The following CAPG variants were observed in gnomAD, a reference collection of about 807,000 sequenced individuals.
The protein encoded by CAPG is macrophage-capping protein.
CAPG carries 32 observed loss-of-function variants against 44.6 expected under a neutral mutation model. The ratio of observed to expected loss-of-function variants is 0.72; its 90% CI spans 0.54 to 0.96. The LOEUF is 0.96. Ranked by LOEUF, CAPG falls within the 50% of genes least tolerant of loss-of-function variation. CAPG has a pLI of 0.00. For missense variants in CAPG, 412 were observed against 438.3 expected, an observed-to-expected ratio of 0.94 and a Z score of 0.54; for synonymous variants, 175 against 179.6, an observed-to-expected ratio of 0.97 and a Z score of 0.20.
At chr2:85,403,758 G>A (rs995386983) in intron 1 of CAPG, among the ~76,000 whole-genome samples, 39 of 151,896 alleles carry the variant, frequency 2.6e-4, no homozygotes, top group Middle Eastern at 3.4e-3. Flanking sequence ...GTGGTGGCAC[G>A]TGCCTATAGT....
upstream of CAPG, among the ~76,000 whole-genome samples, chr2:85,411,281 T>A (rs1687401027): frequency 6.6e-6 from 1 of 152,264 alleles, no homozygotes; most frequent in Non-Finnish European, 1.5e-5. Flanking sequence ...TTTATCATCA[T>A]GACTTCTGGG....
chr2:85,412,326 C>T (rs1687439699), upstream of CAPG, among the ~76,000 whole-genome samples: 1 of 152,154 alleles, frequency 6.6e-6, no homozygotes, highest in African/African-American at 2.4e-5. Flanking sequence ...GCCTGGCCAG[C>T]ATGGTTAAAC....
At chr2:85,418,374 TC>T (rs1687620697) in exon 1 of CAPG, 1 of 151,918 alleles carries the variant, frequency 6.6e-6, no homozygotes, top group Non-Finnish European at 1.5e-5. Flanking sequence ...ACTGTCCAGA[TC>T]CAGGGCTCAC....
At position 85,398,126 on chromosome 2, in the gene CAPG, G is replaced by C; in HGVS notation, c.786C>G (p.Asn262Lys). Residue 262 changes from asparagine (N) to lysine (K), a missense_variant, in exon 8 of 10, where the codon AAC becomes AAG. By Grantham distance (94) the Asn-to-Lys change is moderately conservative. Coordinates refer to ENST00000263867, the MANE Select transcript of CAPG (RefSeq NM_001747.4). ...GGCTGGAGTCAGCCACCTTGGTCAG[G>C]TTCATCTGTCCAGTGGCATCAGAGA... ...YKVSDATGQM[N>K]LTKVADSSPF... is the part of the protein sequence containing the mutation. 6.2e-7 allele frequency: 1 copy of C among 1,613,904 alleles called. No homozygotes were observed. The highest frequency in any genetic ancestry group is 1.7e-4 in the Middle Eastern group (1 of 5,890).
At chr2:85,411,258 C>T (rs1407131540), upstream of CAPG, among the ~76,000 whole-genome samples, 1 of 152,236 alleles carries the variant, frequency 6.6e-6, no homozygotes, top group Non-Finnish European at 1.5e-5. Context: ...GTCTGCTTCT[C>T]ATTCACCAGA....
chr2:85,405,974 A>G (rs561202931), intron 1 of CAPG, among the ~76,000 whole-genome samples: 1 of 152,322 alleles, frequency 6.6e-6, no homozygotes, highest in East Asian at 1.9e-4. Flanking sequence ...CAGGCAGCCT[A>G]CATGCCAGAG....
At chr2:85,397,214 G>A (rs1307129640) in intron 8 of CAPG, among the ~76,000 whole-genome samples, 1 of 152,194 alleles carries the variant, frequency 6.6e-6, no homozygotes, top group Non-Finnish European at 1.5e-5. Flanking sequence ...GGCTAGGGCA[G>A]TGGTTCTCAA....
chr2:85,394,886 C>T lies in CAPG; in HGVS notation c.*7G>A, dbSNP rs776864430. The T allele has an allele frequency of 1.2e-6, 2 of 1,609,900 alleles. No individual in the cohort carries two copies. The highest frequency in any genetic ancestry group is 2.2e-5 in the South Asian group (2 of 91,010). ...CAGGGGAGCATGGGGCAGGAAGACG[C>T]CCACCCTCATTTCCAGTCCTTGAAA... On this transcript the variant is annotated 3_prime_UTR_variant, in exon 10 of 10. Transcript: ENST00000263867.
Position 85,401,908 on chromosome 2 carries a change from G to A in CAPG, c.73C>T (p.Arg25Trp), listed in dbSNP as rs766855151. ...GGCACCGGCTTCAGCTTCTCCACCCGCCACACATGCAGGCCTGGATCCTGC... is the reference window on the plus strand; with the variant it reads ...GGCACCGGCTTCAGCTTCTCCACCCACCACACATGCAGGCCTGGATCCTGC... ...SVQDPGLHVW[R>W]VEKLKPVPVA... Residue 25 changes from arginine to tryptophan, a missense_variant, in exon 3 of 10, where the codon CGG (arginine) becomes TGG (tryptophan). Physicochemically the swap from Arg to Trp is moderately radical, Grantham distance 101. Transcript: ENST00000263867. 1.1e-5 allele frequency: 18 copies of A among 1,613,906 alleles called. No homozygotes were observed. The highest frequency in any genetic ancestry group is 5.3e-5 in the African/African-American group (4 of 74,860).
intron 6 of CAPG, 87 bp downstream of exon 6, chr2:85,399,049 G>C (rs954125396): frequency 6.8e-7 from 1 of 1,467,256 alleles, no homozygotes; most frequent in African/African-American, 1.4e-5. Flanking sequence ...ACCCTCCACC[G>C]GCCACTCTCA....
chr2:85,400,543 C>T (rs938798826), intron 5 of CAPG, among the ~76,000 whole-genome samples: 4 of 152,170 alleles, frequency 2.6e-5, no homozygotes, highest in Admixed American at 6.5e-5. Context: ...TCCCCCAGCC[C>T]GGGTCCCAGT....
Position 85,403,088 on chromosome 2 carries a change from G to A in CAPG, c.-13-930C>T, listed in dbSNP as rs975209231. Among the ~76,000 whole-genome samples the A allele has an allele frequency of 2.6e-5, 4 of 152,064 alleles. No individual in the cohort carries two copies. In the South Asian group the frequency reaches 6.2e-4, roughly 24 times the overall value. On this transcript the variant is annotated intron_variant, in intron 1 of 9. Coordinates refer to ENST00000263867, the MANE Select transcript of CAPG (RefSeq NM_001747.4). ...GCCTGGCAAGTTGTTTTTTTAAACC[G>A]ATAAAATTGATAAATCTTTAGACAA...
At chr2:85,393,820 T>C (rs548317596), downstream of CAPG, among the ~76,000 whole-genome samples, 1 of 152,334 alleles carries the variant, frequency 6.6e-6, no homozygotes, top group African/African-American at 2.4e-5. Context: ...CGTCTTGCCC[T>C]CCCAAAGTGC....
intron 2 of CAPG, 61 bp from the exon 3 acceptor site, chr2:85,402,018 C>A: frequency 4.3e-6 from 7 of 1,612,328 alleles, no homozygotes; most frequent in Non-Finnish European, 5.9e-6. Context: ...CAGCCCTGGG[C>A]AGGCCTGGCG....
At chr2:85,412,574 G>A (rs955673197), upstream of CAPG, among the ~76,000 whole-genome samples, 2 of 152,046 alleles carry the variant, frequency 1.3e-5, no homozygotes, top group Non-Finnish European at 2.9e-5. Context: ...AGGAGGGAGA[G>A]ATTCAGGAAA....
At chr2:85,397,985 C>T (rs1041787553) in intron 8 of CAPG, 35 bp downstream of exon 8, 14 of 1,604,756 alleles carry the variant, frequency 8.7e-6, no homozygotes, top group Non-Finnish European at 1.1e-5. Flanking sequence ...AGAGCAGCTA[C>T]AGGCATCTCA....
At chr2:85,414,979 C>A (rs1294685199), upstream of CAPG, among the ~76,000 whole-genome samples, 1 of 152,194 alleles carries the variant, frequency 6.6e-6, no homozygotes, top group Admixed American at 6.5e-5. Context: ...TGGTAAGATC[C>A]TTTTGTGGGA....
At chr2:85,416,489 A>G (rs1284328011) in intron 1 of CAPG, among the ~76,000 whole-genome samples, 1 of 151,962 alleles carries the variant, frequency 6.6e-6, no homozygotes, top group Non-Finnish European at 1.5e-5. Context: ...CAATTCTAAC[A>G]TCAAAATTCC....
chr2:85,409,464 C>A (rs1458814226), intron 1 of CAPG, among the ~76,000 whole-genome samples: 2 of 152,132 alleles, frequency 1.3e-5, no homozygotes, highest in African/African-American at 2.4e-5. Context: ...AAAAATCCTG[C>A]CGGGGTCCAG....
Sources: gnomAD v4.1 joint callset for allele counts (sites outside exome capture counted in the v4.1 genomes callset) on GRCh38, gnomAD v4.1.1 for gene constraint, MANE v1.5 for transcripts, NCBI Gene and HGNC (gene_info 2026-07-23, HGNC 2026-07-21) for gene names.